The following TCF4 variants were observed in gnomAD, a reference collection of about 807,000 sequenced individuals.
The protein encoded by TCF4 is transcription factor 4.
In TCF4, 3 loss-of-function variants were observed where a neutral mutation model predicts 82.1. The observed-to-expected ratio is 0.04, with a 90% CI of 0.02 to 0.09. The LOEUF (loss-of-function observed/expected upper bound fraction) is 0.09, where lower values mean the gene tolerates loss of function less well. Among genes scored for constraint, TCF4 ranks in the 10% least tolerant of loss-of-function variants. The pLI is 1.00. For missense variants in TCF4, 518 were observed against 852.7 expected, an observed-to-expected ratio of 0.61 and a Z score of 4.89; for synonymous variants, 276 against 309.6, an observed-to-expected ratio of 0.89 and a Z score of 1.14.
At chr18:55,234,369 G>C in intron 16 of TCF4, 179 bp downstream of exon 16, 1 of 811,732 alleles carries the variant, frequency 1.2e-6, no homozygotes, top group Non-Finnish European at 1.9e-6. Flanking sequence ...AGTCCCTGGA[G>C]AAACACAATT....
At chr18:55,296,579 A>G (rs2066553210) in intron 8 of TCF4, among the ~76,000 whole-genome samples, 1 of 152,144 alleles carries the variant, frequency 6.6e-6, no homozygotes, top group Non-Finnish European at 1.5e-5. Context: ...TTTGGCTTCA[A>G]TTTAATAGCA....
intron 5 of TCF4, among the ~76,000 whole-genome samples, chr18:55,426,149 G>T (rs372122217): frequency 6.8e-6 from 1 of 147,242 alleles, no homozygotes; most frequent in Admixed American, 6.7e-5. Context: ...ATTTTCATAC[G>T]TGTCTTTTAT....
intron 3 of TCF4, among the ~76,000 whole-genome samples, chr18:55,576,080 A>G (rs1274157574): frequency 6.6e-6 from 1 of 152,170 alleles, no homozygotes; most frequent in East Asian, 1.9e-4. Context: ...CTTTTTAAAA[A>G]ATGTGAAAAC....
chr18:55,263,969 C>A (rs1466632463), intron 11 of TCF4, among the ~76,000 whole-genome samples: 1 of 151,926 alleles, frequency 6.6e-6, no homozygotes, highest in African/African-American at 2.4e-5. Flanking sequence ...ATTAATTCTT[C>A]CTTTAAACAA....
chr18:55,347,268 T>C (rs1333698415), intron 8 of TCF4, among the ~76,000 whole-genome samples: 1 of 151,770 alleles, frequency 6.6e-6, no homozygotes, highest in Non-Finnish European at 1.5e-5. Flanking sequence ...ACCGAGAAGA[T>C]AAAAATGTAC....
At chr18:55,268,570 G>T (rs376683732) in intron 11 of TCF4, 1 of 152,108 alleles carries the variant, frequency 6.6e-6, no homozygotes, top group Non-Finnish European at 1.5e-5. Flanking sequence ...ACAGGATAGC[G>T]GAGTGGAGAG....
intron 6 of TCF4, among the ~76,000 whole-genome samples, chr18:55,384,760 C>G (rs2092426971): frequency 6.6e-6 from 1 of 152,112 alleles, no homozygotes; most frequent in African/African-American, 2.4e-5. Flanking sequence ...GGGGCTAGCT[C>G]CTTGAGGACA....
Position 55,486,312 on chromosome 18 carries a change from G to A in TCF4, c.146-22175C>T, listed in dbSNP as rs182621133. On this transcript the variant is annotated intron_variant, in intron 3 of 19. Coordinates refer to ENST00000354452, the MANE Select transcript of TCF4 (RefSeq NM_001083962.2). Reference sequence around the variant, plus strand: ...TTAAGAAAAGGCAAGAAGGAAAGCCGGGCATGGTGGCCATGCTGCCTGTAA... The same window carrying A: ...TTAAGAAAAGGCAAGAAGGAAAGCCAGGCATGGTGGCCATGCTGCCTGTAA... Among the ~76,000 whole-genome samples the A allele has an allele frequency of 3.4e-3, 525 of 152,304 alleles. 3 individuals carry two copies. The highest frequency in any genetic ancestry group is 0.012 in the African/African-American group (502 of 41,564).
intron 8 of TCF4, chr18:55,321,625 A>T (rs1280869632): frequency 6.5e-7 from 1 of 1,536,108 alleles, no homozygotes; most frequent in South Asian, 1.2e-5. Context: ...TCCCTGCGAC[A>T]ATAAAACTTG....
chr18:55,333,483 A>C (rs1048165382), intron 8 of TCF4, among the ~76,000 whole-genome samples: 1 of 151,782 alleles, frequency 6.6e-6, no homozygotes, highest in Non-Finnish European at 1.5e-5. Flanking sequence ...AAAAACAAAC[A>C]AAAAAAACCC....
At chr18:55,435,335 G>A (rs908819724) in intron 5 of TCF4, among the ~76,000 whole-genome samples, 1 of 152,188 alleles carries the variant, frequency 6.6e-6, no homozygotes, top group African/African-American at 2.4e-5. Context: ...TTATTAAATA[G>A]TCTTAGATTT....
At chr18:55,237,425 AATCATTTTCCATAAAGAATGTTAG>A (rs1251268315) in intron 15 of TCF4, among the ~76,000 whole-genome samples, 5 of 151,108 alleles carry the variant, frequency 3.3e-5, no homozygotes, top group Non-Finnish European at 5.9e-5. Context: ...AAATAATATC[AATCATTTTCCATAAAGAATGTTAG>A]AGACAAAGTT....
In TCF4 at chr18:55,585,830, C is replaced by T. The variant is rs537096617; in HGVS notation, c.73-478G>A. The T allele has an allele frequency of 4.4e-6, 5 of 1,133,640 alleles. No homozygotes were observed. The South Asian group carries it at 1.1e-4, about 24-fold the overall frequency. 70.2% of individuals were successfully genotyped at this position (1,133,640 alleles called of 1,614,324 possible). A position where few individuals can be genotyped will look rare whatever the true frequency, so the allele number is the denominator to read the frequency against. ...TGCCACCTGCACTAAATTCTCATTT[C>T]GTCTCTAACAGGAGAGCAATTTGAA... On this transcript the variant is annotated intron_variant, in intron 2 of 19. Transcript: ENST00000354452.
At chr18:55,473,223 G>C (rs1168973047) in intron 3 of TCF4, among the ~76,000 whole-genome samples, 1 of 152,042 alleles carries the variant, frequency 6.6e-6, no homozygotes, top group Admixed American at 6.6e-5. Context: ...TTTCTCCCGA[G>C]GGTGCCATTT....
At chr18:55,359,916 T>C (rs992107334) in intron 6 of TCF4, among the ~76,000 whole-genome samples, 1 of 152,228 alleles carries the variant, frequency 6.6e-6, no homozygotes, top group South Asian at 2.1e-4. Flanking sequence ...TTCTTATCTA[T>C]GACAGGTTTG....
At chr18:55,467,871 G>A (rs1351476295) in intron 3 of TCF4, among the ~76,000 whole-genome samples, 2 of 152,130 alleles carry the variant, frequency 1.3e-5, no homozygotes, top group African/African-American at 2.4e-5. Flanking sequence ...CAGACACTGC[G>A]CTAAACTCTC....
intron 8 of TCF4, among the ~76,000 whole-genome samples, chr18:55,333,430 A>G (rs1003520987): frequency 2.0e-5 from 3 of 151,928 alleles, no homozygotes; most frequent in Non-Finnish European, 4.4e-5. Flanking sequence ...TCTATTGTCT[A>G]TGGCACTTTC....
At chr18:55,617,981 C>T (rs1019810270) in intron 2 of TCF4, among the ~76,000 whole-genome samples, 6 of 151,908 alleles carry the variant, frequency 3.9e-5, no homozygotes, top group African/African-American at 7.3e-5. Context: ...CTTCCAGTAC[C>T]GTGTTGAATA....
At chr18:55,350,745 C>T in intron 7 of TCF4, 129 bp downstream of exon 7, 1 of 1,368,538 alleles carries the variant, frequency 7.3e-7, no homozygotes, top group Non-Finnish European at 1.0e-6. Flanking sequence ...TCCAGGCTGA[C>T]AACTGAGCCA....
Sources: gnomAD v4.1 joint callset for allele counts (sites outside exome capture counted in the v4.1 genomes callset) on GRCh38, gnomAD v4.1.1 for gene constraint, MANE v1.5 for transcripts, NCBI Gene and HGNC (gene_info 2026-07-23, HGNC 2026-07-21) for gene names.